The following GULP1 variants were observed in gnomAD, a reference collection of about 807,000 sequenced individuals.
GULP1 encodes GULP PTB domain containing engulfment adaptor 1, also known as PTB domain-containing engulfment adapter protein 1.
Under a neutral mutation model 40.9 loss-of-function variants are expected in GULP1, and 19 were observed. The ratio of observed to expected loss-of-function variants is 0.46; its 90% CI spans 0.32 to 0.68. GULP1 has a LOEUF of 0.68. Among genes scored for constraint, GULP1 ranks in the 30% least tolerant of loss-of-function variants. GULP1 has a pLI of 0.03. For missense variants in GULP1, 312 were observed against 362.2 expected, an observed-to-expected ratio of 0.86 and a Z score of 1.12; for synonymous variants, 119 against 117.6, an observed-to-expected ratio of 1.01 and a Z score of -0.08.
intron 6 of GULP1, among the ~76,000 whole-genome samples, chr2:188,540,139 T>A (rs1345215767): frequency 3.3e-5 from 5 of 152,106 alleles, no homozygotes. Flanking sequence ...TGATTGATAT[T>A]TCTAGTGTTA....
intron 1 of GULP1, among the ~76,000 whole-genome samples, chr2:188,355,961 A>G (rs1215578942): frequency 1.3e-5 from 2 of 152,250 alleles, no homozygotes; most frequent in East Asian, 3.9e-4. Flanking sequence ...ACACAGAAAA[A>G]GCATTTGATA....
At chr2:188,531,853 A>C (rs114749104) in intron 6 of GULP1, among the ~76,000 whole-genome samples, 1 of 152,316 alleles carries the variant, frequency 6.6e-6, no homozygotes, top group Non-Finnish European at 1.5e-5. Flanking sequence ...AAATAAGAAT[A>C]ATCCTATTCC....
At chr2:188,536,958 T>G (rs1689099046) in intron 6 of GULP1, among the ~76,000 whole-genome samples, 1 of 152,018 alleles carries the variant, frequency 6.6e-6, no homozygotes, top group Non-Finnish European at 1.5e-5. Flanking sequence ...GAAATAGGAT[T>G]GCATTATTGA....
intron 2 of GULP1, among the ~76,000 whole-genome samples, chr2:188,451,099 G>A (rs1575342701): frequency 6.6e-6 from 1 of 152,290 alleles, no homozygotes; most frequent in South Asian, 2.1e-4. Flanking sequence ...ATTGTATTTT[G>A]CTGATGATTT....
At chr2:188,404,114 C>A (rs936669479) in intron 2 of GULP1, among the ~76,000 whole-genome samples, 1 of 151,994 alleles carries the variant, frequency 6.6e-6, no homozygotes, top group African/African-American at 2.4e-5. Context: ...AGAATCTAAT[C>A]TAAGATTCCT....
At chr2:188,495,283 C>T (rs1410189215) in intron 4 of GULP1, among the ~76,000 whole-genome samples, 1 of 152,070 alleles carries the variant, frequency 6.6e-6, no homozygotes, top group African/African-American at 2.4e-5. Flanking sequence ...AATACCTAGA[C>T]TATACCTACA....
intron 1 of GULP1, among the ~76,000 whole-genome samples, chr2:188,330,040 T>C (rs1318603408): frequency 2.0e-5 from 3 of 152,132 alleles, no homozygotes; most frequent in Non-Finnish European, 4.4e-5. Context: ...AGGCTAGAGA[T>C]ACAAATTGAG....
At chr2:188,321,045 A>G (rs2039904580) in intron 1 of GULP1, among the ~76,000 whole-genome samples, 1 of 152,030 alleles carries the variant, frequency 6.6e-6, no homozygotes, top group South Asian at 2.1e-4. Context: ...GTATATATTC[A>G]TGTTTAATGA....
intron 1 of GULP1, among the ~76,000 whole-genome samples, chr2:188,359,441 AAT>A (rs2152354898): frequency 6.6e-6 from 1 of 152,258 alleles, no homozygotes; most frequent in East Asian, 1.9e-4. Context: ...AACAAACTCA[AAT>A]ATCTATCTAA....
chr2:188,427,175 T>A (rs563798494), intron 2 of GULP1, among the ~76,000 whole-genome samples: 2 of 152,292 alleles, frequency 1.3e-5, no homozygotes, highest in East Asian at 3.9e-4. Flanking sequence ...TGTGCTCATA[T>A]GAATGAGCAA....
chr2:188,570,690 TATG>T, intron 9 of GULP1, among the ~76,000 whole-genome samples: 1 of 152,348 alleles, frequency 6.6e-6, no homozygotes, highest in African/African-American at 2.4e-5. Flanking sequence ...CAATACCATG[TATG>T]ATATCATTAT....
At chr2:188,561,044 G>T (rs1294920761) in intron 7 of GULP1, among the ~76,000 whole-genome samples, 5 of 152,198 alleles carry the variant, frequency 3.3e-5, no homozygotes, top group African/African-American at 4.8e-5. Flanking sequence ...GCTATAAACA[G>T]CATTAGTGAG....
intron 2 of GULP1, among the ~76,000 whole-genome samples, chr2:188,385,355 GA>G (rs1272202347): frequency 1.3e-5 from 2 of 152,116 alleles, no homozygotes; most frequent in Non-Finnish European, 2.9e-5. Flanking sequence ...GTCATGGCTG[GA>G]GCAGCTGGGA....
chr2:188,581,109 A>G (rs1418374882), intron 9 of GULP1, among the ~76,000 whole-genome samples: 1 of 152,112 alleles, frequency 6.6e-6, no homozygotes, highest in African/African-American at 2.4e-5. Context: ...GCATATCTGC[A>G]TTTATAGCCC....
intron 2 of GULP1, among the ~76,000 whole-genome samples, chr2:188,460,527 C>A (rs1480165226): frequency 1.3e-5 from 2 of 150,604 alleles, no homozygotes; most frequent in Admixed American, 6.6e-5. Context: ...TTTATGAGTT[C>A]TAATAGTTAT....
At chr2:188,357,746 T>G (rs1323975231) in intron 1 of GULP1, among the ~76,000 whole-genome samples, 2 of 152,164 alleles carry the variant, frequency 1.3e-5, no homozygotes, top group African/African-American at 4.8e-5. Context: ...ATTTGCACTC[T>G]CATGTTTATT....
At chr2:188,389,036 G>A (rs764939283) in intron 2 of GULP1, among the ~76,000 whole-genome samples, 4 of 152,230 alleles carry the variant, frequency 2.6e-5, no homozygotes, top group African/African-American at 9.6e-5. Flanking sequence ...AAGTGTGGTA[G>A]ATGAGACTTG....
At chr2:188,583,269 C>G (rs1252434811) in intron 9 of GULP1, among the ~76,000 whole-genome samples, 2 of 152,116 alleles carry the variant, frequency 1.3e-5, no homozygotes, top group Non-Finnish European at 2.9e-5. Flanking sequence ...CCATCATTCT[C>G]TACACACAAT....
intron 11 of GULP1, chr2:188,590,006 C>T (rs1576332120): frequency 9.3e-6 from 2 of 215,724 alleles, no homozygotes; most frequent in East Asian, 9.2e-5. Context: ...CTCACTCTAT[C>T]GCCCTACCCA....
Sources: allele counts gnomAD v4.1 joint callset (sites outside exome capture counted in the v4.1 genomes callset), GRCh38; gene constraint gnomAD v4.1.1; transcripts MANE v1.5; gene names NCBI Gene and HGNC (gene_info 2026-07-23, HGNC 2026-07-21).